FSIP2: variants seen among roughly 807,000 people sequenced by gnomAD.
FSIP2 encodes fibrous sheath-interacting protein 2.
FSIP2 carries 367 observed loss-of-function variants against 510.5 expected under a neutral mutation model. The ratio of observed to expected loss-of-function variants is 0.72; its 90% CI spans 0.66 to 0.78. The LOEUF (loss-of-function observed/expected upper bound fraction) is 0.78, where lower values mean the gene tolerates loss of function less well. FSIP2 is among the 30% of genes least tolerant of loss of function. The probability of loss-of-function intolerance (pLI) is 0.00; values close to 1 mark genes in which losing one functional copy is unlikely to be tolerated. For synonymous variants in FSIP2, 2,601 were observed against 2,732.2 expected, an observed-to-expected ratio of 0.95 and a Z score of 1.50; for missense variants, 7,594 against 7,901.7, an observed-to-expected ratio of 0.96 and a Z score of 1.48.
At chr2:185,816,558 C>T (rs1339400846) in intron 19 of FSIP2, among the ~76,000 whole-genome samples, 2 of 151,888 alleles carry the variant, frequency 1.3e-5, no homozygotes, top group African/African-American at 4.8e-5. Flanking sequence ...AAAAAGCTGG[C>T]TGCTCATGAT....
At chr2:185,776,393 G>A (rs1001891525) in intron 13 of FSIP2, among the ~76,000 whole-genome samples, 13 of 152,044 alleles carry the variant, frequency 8.6e-5, no homozygotes, top group Non-Finnish European at 1.6e-4. Context: ...GCTTTTCATT[G>A]CTTTATACGT....
intron 2 of FSIP2, 28 bp from the exon 3 acceptor site, chr2:185,743,105 T>G: frequency 5.1e-6 from 7 of 1,370,778 alleles, no homozygotes; most frequent in Non-Finnish European, 5.7e-6. Context: ...TGCATTAATT[T>G]TACATATTTT....
rs931850377 is a variant in FSIP2, at chr2:185,809,285, C to T, written c.19827+152C>T. On this transcript the variant is annotated intron_variant, in intron 17 of 22. Transcript: ENST00000424728. ...AATTAGTTGCATCAGTTCATCCATA[C>T]AGTCATATTATTTACTAGGATTTGT... 2 of 816,486 alleles carry T rather than the reference C, an allele frequency of 2.4e-6. 1 individual carries two copies. Among genetic ancestry groups the T allele is most frequent in the African/African-American group, 3.5e-5 (2 of 56,954 alleles). 50.6% of individuals were successfully genotyped at this position (816,486 alleles called of 1,614,324 possible).
upstream of FSIP2, chr2:185,738,706 G>T (rs1691839025): frequency 6.5e-7 from 1 of 1,536,094 alleles, no homozygotes; most frequent in Non-Finnish European, 8.7e-7. Flanking sequence ...CTACGCGCTG[G>T]CGCGAGCCGC....
In FSIP2 at chr2:185,807,980, C is replaced by T; in HGVS notation, c.18674C>T (p.Ser6225Phe). The T allele has an allele frequency of 6.2e-7, 1 of 1,610,510 alleles. No homozygotes were observed. The highest frequency in any genetic ancestry group is 8.5e-7 in the Non-Finnish European group (1 of 1,178,056). ...CTAAATTCAGTCCAAGAATTTATCT[C>T]CAAAAGTAAGATTAAACTTGTACCA... is the stretch of plus-strand genomic sequence containing the variant. ...KVLNSVQEFI[S>F]KSKIKLVPPT... Residue 6225 changes from serine to phenylalanine, a missense_variant, in exon 17 of 23, where the codon TCC becomes TTC. Ser to Phe is a radical substitution (Grantham distance 155, BLOSUM62 -2). Transcript: ENST00000424728.
At chr2:185,780,229 A>C (rs966928778) in intron 13 of FSIP2, among the ~76,000 whole-genome samples, 3 of 151,878 alleles carry the variant, frequency 2.0e-5, no homozygotes, top group Admixed American at 2.0e-4. Flanking sequence ...AGTTCTGTAC[A>C]AGCTTCAGCC....
Position 185,796,728 on chromosome 2 carries a change from G to T in FSIP2, c.9592G>T (p.Glu3198Ter). The change falls in exon 16 of 23, where the codon GAA (glutamate) becomes TAA (stop). Residue 3198 changes from glutamate (E) to a stop codon, truncating the protein, a stop_gained. Coordinates refer to ENST00000424728, the MANE Select transcript of FSIP2 (RefSeq NM_173651.4). LOFTEE classifies it high-confidence loss of function. ...FVFCSDEDMK[E>*]KYRVSSDLPT... ...GTTTTGTTCAGATGAAGATATGAAA[G>T]AAAAGTACAGGGTTTCATCAGATTT... is the stretch of plus-strand genomic sequence containing the variant. 6.5e-7 allele frequency: 1 copy of T among 1,535,084 alleles called. No homozygotes were observed. The highest frequency in any genetic ancestry group is 8.7e-7 in the Non-Finnish European group (1 of 1,146,254).
At chr2:185,766,343 T>C (rs1250759261) in intron 13 of FSIP2, 1 of 150,074 alleles carries the variant, frequency 6.7e-6, no homozygotes, top group Admixed American at 6.6e-5. Flanking sequence ...AAAGAGCTTC[T>C]GCACAGCAAA....
chr2:185,814,697 G>GA (rs1047627101), intron 18 of FSIP2, among the ~76,000 whole-genome samples: 6 of 151,870 alleles, frequency 4.0e-5, no homozygotes, highest in Non-Finnish European at 8.8e-5. Context: ...CATTTTAATG[G>GA]AAAAAAGTTT....
In FSIP2 at chr2:185,804,313, G is replaced by A. The variant is rs1045330277; in HGVS notation, c.15007G>A (p.Val5003Ile). 6.6e-7 allele frequency: 1 copy of A among 1,512,554 alleles called. No homozygotes were observed. The highest frequency in any genetic ancestry group is 8.8e-7 in the Non-Finnish European group (1 of 1,138,202). 93.7% of individuals were successfully genotyped at this position (1,512,554 alleles called of 1,614,324 possible). ...GGAGTTCACCACATCAGAGATTTTAGTTGCAGATAACTTTGATAAAAATTT... is the reference window on the plus strand; with the variant it reads ...GGAGTTCACCACATCAGAGATTTTAATTGCAGATAACTTTGATAAAAATTT... Reference protein sequence around the residue: ...VLEFTTSEILVADNFDKNLCF... With the variant: ...VLEFTTSEILIADNFDKNLCF... Residue 5003 changes from valine (V) to isoleucine (I), a missense_variant, in exon 17 of 23, where the codon GTT (valine) becomes ATT (isoleucine). Coordinates refer to ENST00000424728, the MANE Select transcript of FSIP2 (RefSeq NM_173651.4).
rs1276573445 is a variant in FSIP2 at position 185,764,499 on chromosome 2, TAGA to T, written c.1348_1350del (p.Lys450del). 23 of 1,527,050 alleles carry T rather than the reference TAGA, an allele frequency of 1.5e-5. No homozygotes were observed. The highest frequency in any genetic ancestry group is 1.6e-5 in the Non-Finnish European group (18 of 1,140,552). The allele number at this position is 1,527,050 out of a possible 1,614,324, so 94.6% of individuals were successfully genotyped here. A position where few individuals can be genotyped will look rare whatever the true frequency, so the allele number is the denominator to read the frequency against. ...ATTTGTTTTGCTGTTGTGAATTATG[TAGA>T]AGGAGACAAATGCTGATTGGGATGG... On this transcript the variant is annotated splice_acceptor_variant and coding_sequence_variant, in exon 13 of 23. Coordinates refer to ENST00000424728, the MANE Select transcript of FSIP2 (RefSeq NM_173651.4). LOFTEE classifies it high-confidence loss of function.
intron 7 of FSIP2, among the ~76,000 whole-genome samples, chr2:185,753,092 T>A (rs1374474338): frequency 2.6e-5 from 4 of 151,318 alleles, no homozygotes; most frequent in African/African-American, 9.7e-5. Context: ...CATGAGGTTT[T>A]TCCAGTGAAA....
chr2:185,738,776 G>A (rs746538006), upstream of FSIP2: 47 of 1,535,886 alleles, frequency 3.1e-5, no homozygotes, highest in Admixed American at 7.5e-4. Context: ...AACGCGGGGG[G>A]CGGGGCTGAG....
At chr2:185,758,445 T>C (rs757289133) in intron 9 of FSIP2, among the ~76,000 whole-genome samples, 1 of 151,352 alleles carries the variant, frequency 6.6e-6, no homozygotes, top group Non-Finnish European at 1.5e-5. Context: ...ATATTATGTA[T>C]GTTATATGTA....
In FSIP2 at chr2:185,807,920, T is replaced by C. The variant is rs371290732; in HGVS notation, c.18614T>C (p.Leu6205Pro). 1 of 1,602,316 alleles carries C rather than the reference T, an allele frequency of 6.2e-7. No homozygotes were observed. Among genetic ancestry groups the C allele is most frequent in the Non-Finnish European group, 8.5e-7 (1 of 1,175,604 alleles). Residue 6205 changes from leucine to proline, a missense_variant, in exon 17 of 23, where the codon CTA (leucine) becomes CCA (proline). By Grantham distance (98) the Leu-to-Pro change is moderately conservative. Transcript: ENST00000424728. The stretch of plus-strand genomic sequence containing the variant: ...GTACATAAAGAAAGAACAAAATCTC[T>C]AGAGACTGATATGCAAAAAATAACT... ...PKVHKERTKS[L>P]ETDMQKITSK...
At chr2:185,767,534 C>A (rs1193794341) in intron 13 of FSIP2, among the ~76,000 whole-genome samples, 3 of 151,962 alleles carry the variant, frequency 2.0e-5, no homozygotes, top group Non-Finnish European at 4.4e-5. Context: ...TAAATCATGC[C>A]GTTTTTAGTC....
chr2:185,790,128 G>T lies in FSIP2; in HGVS notation c.2992G>T (p.Val998Phe). 6.5e-7 allele frequency: 1 copy of T among 1,533,692 alleles called. No homozygotes were observed. The highest frequency in any genetic ancestry group is 8.7e-7 in the Non-Finnish European group (1 of 1,145,306). ...PFPPINVPGMVLYSDDENEEI... is the reference protein window; with the variant it reads ...PFPPINVPGMFLYSDDENEEI... ...TCCACCTATAAATGTTCCAGGCATG[G>T]TTCTTTATTCTGATGATGAAAATGA... Residue 998 changes from valine to phenylalanine, a missense_variant, in exon 16 of 23, where the codon GTT (valine) becomes TTT (phenylalanine). Transcript: ENST00000424728.
intron 1 of FSIP2, 42 bp downstream of exon 1, chr2:185,739,035 G>C: frequency 1.3e-6 from 2 of 1,515,460 alleles, no homozygotes; most frequent in Admixed American, 4.1e-5. Context: ...TCTGGCGGCC[G>C]CAGGCCTGCT....
chr2:185,806,609 C>A lies in FSIP2; in HGVS notation c.17303C>A (p.Pro5768Gln). ...GAGATTAAAAGTGAACCCAGTAAAC[C>A]AGATGATCCTCAAAACCAACGAGAA... ...REEIKSEPSK[P>Q]DDPQNQRESK... Residue 5768 changes from proline (P) to glutamine (Q), a missense_variant, in exon 17 of 23, where the codon CCA becomes CAA. Transcript: ENST00000424728. 5 of 1,608,532 alleles carry A rather than the reference C, an allele frequency of 3.1e-6. No homozygotes were observed. Among genetic ancestry groups the A allele is most frequent in the Non-Finnish European group, 4.2e-6 (5 of 1,177,994 alleles).
Sources: gnomAD v4.1 joint callset for allele counts (sites outside exome capture counted in the v4.1 genomes callset) on GRCh38, gnomAD v4.1.1 for gene constraint, MANE v1.5 for transcripts, NCBI Gene and HGNC (gene_info 2026-07-23, HGNC 2026-07-21) for gene names.